SLC35F3: variants seen among roughly 807,000 people sequenced by gnomAD.
SLC35F3 encodes putative thiamine transporter SLC35F3.
A neutral mutation model predicts 49.9 loss-of-function variants in SLC35F3; 25 were observed. The observed-to-expected ratio is 0.50, with a 90% CI of 0.37 to 0.70. The LOEUF (loss-of-function observed/expected upper bound fraction) is 0.70, where lower values mean the gene tolerates loss of function less well. Among genes scored for constraint, SLC35F3 ranks in the 30% least tolerant of loss-of-function variants. The probability of loss-of-function intolerance (pLI) is 0.00; values close to 1 mark genes in which losing one functional copy is unlikely to be tolerated. For synonymous variants in SLC35F3, 275 were observed against 265.4 expected (o/e 1.04, Z -0.35); for missense variants, 525 against 639.8 (o/e 0.82, Z 1.94).
intron 3 of SLC35F3, chr1:234,285,337 G>A (rs1028635107): frequency 1.0e-5 from 5 of 483,680 alleles, no homozygotes; most frequent in Admixed American, 2.1e-5. Flanking sequence ...AAATACATCC[G>A]CAGGGTTCAG....
intron 2 of SLC35F3, among the ~76,000 whole-genome samples, chr1:234,207,138 A>G (rs546306503): frequency 5.8e-4 from 88 of 152,018 alleles, no homozygotes; most frequent in African/African-American, 2.1e-3. Flanking sequence ...CTATTTCCGA[A>G]CTAAATGGCA....
intron 2 of SLC35F3, among the ~76,000 whole-genome samples, chr1:234,111,573 G>A (rs775389149): frequency 1.1e-4 from 16 of 152,328 alleles, no homozygotes; most frequent in Admixed American, 9.8e-4. Flanking sequence ...GATTACAGGC[G>A]TGAGCCGCTG....
chr1:234,101,771 G>GA (rs1245594471), intron 2 of SLC35F3, among the ~76,000 whole-genome samples: 1 of 152,198 alleles, frequency 6.6e-6, no homozygotes, highest in African/African-American at 2.4e-5. Context: ...TCTTAGGACA[G>GA]AAAAAATATT....
chr1:234,150,159 G>A (rs1461634219), intron 2 of SLC35F3, among the ~76,000 whole-genome samples: 1 of 152,208 alleles, frequency 6.6e-6, no homozygotes, highest in Non-Finnish European at 1.5e-5. Context: ...TCCTCTAAAG[G>A]TTCAGCTAAT....
At chr1:234,085,534 G>A (rs1371349908) in intron 2 of SLC35F3, among the ~76,000 whole-genome samples, 3 of 152,122 alleles carry the variant, frequency 2.0e-5, no homozygotes, top group Admixed American at 6.5e-5. Context: ...GCATTTGCAC[G>A]AATATGGCAA....
intron 2 of SLC35F3, among the ~76,000 whole-genome samples, chr1:234,179,069 G>A (rs961388852): frequency 3.3e-5 from 5 of 152,128 alleles, no homozygotes; most frequent in Non-Finnish European, 7.4e-5. Context: ...AGCCCCAGGT[G>A]TTCCATCTCC....
chr1:233,960,983 A>T (rs1008053884), intron 2 of SLC35F3, among the ~76,000 whole-genome samples: 1 of 152,052 alleles, frequency 6.6e-6, no homozygotes, highest in African/African-American at 2.4e-5. Flanking sequence ...CCTCATGGAG[A>T]TGAGTGCATG....
chr1:233,973,846 T>C (rs1166672535), intron 2 of SLC35F3, among the ~76,000 whole-genome samples: 1 of 152,218 alleles, frequency 6.6e-6, no homozygotes. Flanking sequence ...GCATAAATTT[T>C]TTTTCTTTTC....
intron 3 of SLC35F3, among the ~76,000 whole-genome samples, chr1:234,254,458 GAAT>G (rs1416049429): frequency 6.6e-6 from 1 of 152,128 alleles, no homozygotes; most frequent in Non-Finnish European, 1.5e-5. Context: ...TCCCATCCAA[GAAT>G]AATAATCTTT....
At chr1:234,153,978 C>T (rs992047149) in intron 2 of SLC35F3, among the ~76,000 whole-genome samples, 1 of 151,936 alleles carries the variant, frequency 6.6e-6, no homozygotes, top group East Asian at 1.9e-4. Context: ...CAGGAGAAGG[C>T]GTGAACCCAG....
At chr1:234,093,097 A>C (rs1665067266) in intron 2 of SLC35F3, among the ~76,000 whole-genome samples, 1 of 152,210 alleles carries the variant, frequency 6.6e-6, no homozygotes, top group African/African-American at 2.4e-5. Context: ...TTTGGGCCTC[A>C]ATTTCCTAAT....
intron 3 of SLC35F3, among the ~76,000 whole-genome samples, chr1:234,240,826 C>T (rs1285345202): frequency 3.9e-5 from 6 of 152,158 alleles, no homozygotes; most frequent in Non-Finnish European, 4.4e-5. Flanking sequence ...TGTGCCCTGT[C>T]ATTGTTTTAG....
intron 3 of SLC35F3, among the ~76,000 whole-genome samples, chr1:234,245,706 G>A (rs2102959155): frequency 6.6e-6 from 1 of 152,296 alleles, no homozygotes; most frequent in Admixed American, 6.5e-5. Context: ...CCAATGTCTG[G>A]AAGTTGATGC....
intron 2 of SLC35F3, among the ~76,000 whole-genome samples, chr1:233,998,063 C>T (rs751343721): frequency 1.8e-4 from 27 of 151,956 alleles, no homozygotes; most frequent in Non-Finnish European, 1.6e-4. Flanking sequence ...GTATTTTCTT[C>T]GAGTCTATTT....
chr1:234,070,887 C>T (rs1236500998), intron 2 of SLC35F3, among the ~76,000 whole-genome samples: 1 of 152,106 alleles, frequency 6.6e-6, no homozygotes, highest in Non-Finnish European at 1.5e-5. Context: ...TAGATTTGTG[C>T]AGAGTTACAA....
At chr1:234,097,294 C>T (rs1442523161) in intron 2 of SLC35F3, among the ~76,000 whole-genome samples, 1 of 152,182 alleles carries the variant, frequency 6.6e-6, no homozygotes, top group East Asian at 1.9e-4. Flanking sequence ...CACCACTACA[C>T]AATTCATCCA....
Position 234,214,944 on chromosome 1 carries a change from C to CCA in SLC35F3, c.284-16463_284-16462dup. The CCA allele has an allele frequency of 1.5e-5, 3 of 204,824 alleles. No homozygotes were observed. Among genetic ancestry groups the CCA allele is most frequent in the Non-Finnish European group, 1.9e-5 (2 of 102,796 alleles). The allele number at this position is 204,824 out of a possible 1,614,324, so 12.7% of individuals were successfully genotyped here. A position where few individuals can be genotyped will look rare whatever the true frequency, so the allele number is the denominator to read the frequency against. On this transcript the variant is annotated intron_variant, in intron 2 of 7. Coordinates refer to ENST00000366618, the MANE Select transcript of SLC35F3 (RefSeq NM_173508.4). The surrounding 1 kb of genome is among the most constrained non-coding windows in gnomAD (Gnocchi z 8.0). The stretch of plus-strand genomic sequence containing the variant: ...TCCAGCCGCTCCCAGTGTCCCCTTA[C>CCA]CACACACACACTTGAGTTGCCTGGG...
Position 233,905,470 on chromosome 1 carries a change from C to T in SLC35F3, c.54-59C>T, listed in dbSNP as rs377674062. 3.6e-5 allele frequency: 46 copies of T among 1,289,892 alleles called. No homozygotes were observed. The South Asian group carries it at 5.8e-4, about 16-fold the overall frequency. The allele number at this position is 1,289,892 out of a possible 1,614,324, so 79.9% of individuals were successfully genotyped here. ...CTGGGATCTGCTCCTCACGAATCCC[C>T]TCCTCTCTGTCCATGCTCCCCCTGC... is the stretch of plus-strand genomic sequence containing the variant. On this transcript the variant is annotated intron_variant, in intron 1 of 7. Coordinates refer to ENST00000366618, the MANE Select transcript of SLC35F3 (RefSeq NM_173508.4).
At chr1:234,003,248 T>C (rs529390339) in intron 2 of SLC35F3, among the ~76,000 whole-genome samples, 4 of 151,932 alleles carry the variant, frequency 2.6e-5, no homozygotes, top group African/African-American at 9.6e-5. Flanking sequence ...CTTCTAGGGA[T>C]GCTGGAGAAT....
Sources: allele counts gnomAD v4.1 joint callset (sites outside exome capture counted in the v4.1 genomes callset), GRCh38; gene constraint gnomAD v4.1.1; non-coding constraint Gnocchi (gnomAD v3.1); transcripts MANE v1.5; gene names NCBI Gene and HGNC (gene_info 2026-07-23, HGNC 2026-07-21).